Variants in AGAP1 observed in about 807,000 individuals in gnomAD.
AGAP1 encodes the protein arf-GAP with GTPase, ANK repeat and PH domain-containing protein 1.
A neutral mutation model predicts 105.3 loss-of-function variants in AGAP1; 29 were observed. That is an observed-to-expected ratio of 0.28 (90% CI 0.21 to 0.38). The LOEUF is 0.38. AGAP1 is among the 10% of genes least tolerant of loss of function. The pLI is 1.00. For missense variants in AGAP1, 998 were observed against 1,165.1 expected (o/e 0.86, Z 2.09); for synonymous variants, 509 against 485.9 (o/e 1.05, Z -0.63).
rs1941203518 is a variant in AGAP1, at chr2:235,494,156, ACGGCGGGCTCGCGCGGGGGCCCCGGCGCG to A, written c.-529_-501del. On this transcript the variant is annotated 5_prime_UTR_variant, in exon 1 of 18. Transcript: ENST00000304032. The stretch of plus-strand genomic sequence containing the variant: ...TCGGTCCCAGGTCGGCGGGCGGCGC[ACGGCGGGCTCGCGCGGGGGCCCCGGCGCG>A]CCGGGCGGCGCAGTACGCAGCGCGC... 3 of 141,316 alleles carry A rather than the reference ACGGCGGGCTCGCGCGGGGGCCCCGGCGCG, an allele frequency of 2.1e-5. No individual in the cohort carries two copies. Among genetic ancestry groups the A allele is most frequent in the Non-Finnish European group, 4.7e-5 (3 of 64,000 alleles). 8.8% of individuals were successfully genotyped at this position (141,316 alleles called of 1,614,324 possible).
In AGAP1 at chr2:235,732,254, T is replaced by A. The variant is rs1256962529; in HGVS notation, c.311-8709T>A. Among the ~76,000 whole-genome samples, 1 of 152,224 alleles carries A rather than the reference T, an allele frequency of 6.6e-6. No homozygotes were observed. The highest frequency in any genetic ancestry group is 1.5e-5 in the Non-Finnish European group (1 of 68,042). ...CAATGAACTTCTCTCTTAAATACTT[T>A]ACCTCTGTCTTTTTAATCTCATTGA... On this transcript the variant is annotated intron_variant, in intron 3 of 17. Coordinates refer to ENST00000304032, the MANE Select transcript of AGAP1 (RefSeq NM_001037131.3). The surrounding 1 kb of genome is among the most constrained non-coding windows in gnomAD (Gnocchi z 4.8).
chr2:235,804,804 G>A (rs1451619330), intron 8 of AGAP1, among the ~76,000 whole-genome samples: 1 of 152,232 alleles, frequency 6.6e-6, no homozygotes, highest in Non-Finnish European at 1.5e-5. Flanking sequence ...GGTGTGATCT[G>A]CTGCTGTTCC....
At chr2:235,902,106 G>T (rs542196492) in intron 10 of AGAP1, among the ~76,000 whole-genome samples, 1 of 152,126 alleles carries the variant, frequency 6.6e-6, no homozygotes, top group East Asian at 1.9e-4. Context: ...ATTTTTTTAG[G>T]TCTCTTTGAT....
At chr2:235,772,341 C>G (rs151173156) in intron 6 of AGAP1, among the ~76,000 whole-genome samples, 30 of 152,292 alleles carry the variant, frequency 2.0e-4, no homozygotes, top group African/African-American at 7.0e-4. Flanking sequence ...AGAGCTGATG[C>G]TTTATGACAG....
chr2:235,505,976 G>C (rs1256046852), intron 1 of AGAP1, among the ~76,000 whole-genome samples: 1 of 147,666 alleles, frequency 6.8e-6, no homozygotes, highest in East Asian at 2.0e-4. Context: ...TGTCGCCCAG[G>C]CTGGAGTGCA....
chr2:235,922,294 G>T (rs1422877692), intron 11 of AGAP1, among the ~76,000 whole-genome samples: 1 of 152,182 alleles, frequency 6.6e-6, no homozygotes, highest in East Asian at 1.9e-4. Flanking sequence ...AAAATAGAAG[G>T]TATACAATTC....
chr2:235,952,508 T>C (rs1327313793), intron 12 of AGAP1, among the ~76,000 whole-genome samples: 1 of 152,180 alleles, frequency 6.6e-6, no homozygotes, highest in Non-Finnish European at 1.5e-5. Flanking sequence ...GACAAATATA[T>C]GTTGAGTGCC....
intron 13 of AGAP1, among the ~76,000 whole-genome samples, chr2:235,980,772 T>G (rs1229192969): frequency 6.6e-6 from 1 of 152,210 alleles, no homozygotes; most frequent in Non-Finnish European, 1.5e-5. Flanking sequence ...ATTGCTAGGT[T>G]TGGGCTCAGC....
rs2054593847 is a variant in AGAP1 at position 235,970,414 on chromosome 2, C to A, written c.1645+1791C>A. Among the ~76,000 whole-genome samples the A allele has an allele frequency of 6.6e-6, 1 of 152,086 alleles. No homozygotes were observed. Among genetic ancestry groups the A allele is most frequent in the Non-Finnish European group, 1.5e-5 (1 of 68,014 alleles). On this transcript the variant is annotated intron_variant, in intron 13 of 17. Coordinates refer to ENST00000304032, the MANE Select transcript of AGAP1 (RefSeq NM_001037131.3). The surrounding 1 kb of genome is among the most constrained non-coding windows in gnomAD (Gnocchi z 5.4). ...AACCGTTGGGCAAAAATCACCCTGC[C>A]AAGCACGTGCAGCCACCCCTCCCTG...
At chr2:235,757,868 T>A (rs987990669) in intron 6 of AGAP1, among the ~76,000 whole-genome samples, 15 of 152,206 alleles carry the variant, frequency 9.9e-5, no homozygotes, top group African/African-American at 3.6e-4. Context: ...AATGAGTCCG[T>A]TTGTGCAACC....
rs1324796476 is a variant in AGAP1, at chr2:235,953,399, A to C, written c.1484-15063A>C. Among the ~76,000 whole-genome samples the C allele has an allele frequency of 6.6e-6, 1 of 152,204 alleles. No homozygotes were observed. The highest frequency in any genetic ancestry group is 1.5e-5 in the Non-Finnish European group (1 of 68,040). On this transcript the variant is annotated intron_variant, in intron 12 of 17. Transcript: ENST00000304032. The surrounding 1 kb of genome is among the most constrained non-coding windows in gnomAD (Gnocchi z 5.2). ...AAGATGTTAATTTTTTATTCTCCAAAATGTTCAGACTGCAAGGATATTTCA... is the reference window on the plus strand; with the variant it reads ...AAGATGTTAATTTTTTATTCTCCAACATGTTCAGACTGCAAGGATATTTCA...
chr2:235,585,323 A>T (rs983906915), intron 1 of AGAP1, among the ~76,000 whole-genome samples: 3 of 152,018 alleles, frequency 2.0e-5, no homozygotes, highest in African/African-American at 7.3e-5. Flanking sequence ...TTAGCTCTGT[A>T]TCCCTCTGGC....
rs2058690789 is a variant in AGAP1, at chr2:236,078,122, G to A, written c.2114+28841G>A. Among the ~76,000 whole-genome samples the A allele has an allele frequency of 6.6e-6, 1 of 151,110 alleles. No homozygotes were observed. Among genetic ancestry groups the A allele is most frequent in the African/African-American group, 2.4e-5 (1 of 41,064 alleles). On this transcript the variant is annotated intron_variant, in intron 16 of 17. Transcript: ENST00000304032. The surrounding 1 kb of genome is among the most constrained non-coding windows in gnomAD (Gnocchi z 5.3). ...CCAGCTGGTGTGTGTGTGCATGTGTGTAATCTGAAGTGTGTAGGGCAGGCC... is the reference window on the plus strand; with the variant it reads ...CCAGCTGGTGTGTGTGTGCATGTGTATAATCTGAAGTGTGTAGGGCAGGCC...
rs1050067885 is a variant in AGAP1 at position 236,107,105 on chromosome 2, TC to T, written c.2115-13080del. Among the ~76,000 whole-genome samples, 11 of 147,142 alleles carry T rather than the reference TC, an allele frequency of 7.5e-5. No homozygotes were observed. In the South Asian group the frequency reaches 1.1e-3, roughly 15 times the overall value. On this transcript the variant is annotated intron_variant, in intron 16 of 17. Transcript: ENST00000304032. ...TGCTTTCTGTCCTCTCTTTACCCGT[TC>T]CCCCCCGCCCCACCCCCGCCAGCGG...
chr2:235,819,456 T>C (rs1402873960), intron 9 of AGAP1, among the ~76,000 whole-genome samples: 1 of 152,120 alleles, frequency 6.6e-6, no homozygotes, highest in East Asian at 1.9e-4. Flanking sequence ...CTGATGCTGC[T>C]AATCCAGGAG....
chr2:235,570,021 C>T (rs1244096925), intron 1 of AGAP1, among the ~76,000 whole-genome samples: 1 of 152,212 alleles, frequency 6.6e-6, no homozygotes, highest in Non-Finnish European at 1.5e-5. Context: ...TAACTCTTCT[C>T]AGTTCTCTTT....
At chr2:235,518,010 G>A (rs919751144) in intron 1 of AGAP1, among the ~76,000 whole-genome samples, 10 of 152,258 alleles carry the variant, frequency 6.6e-5, no homozygotes, top group African/African-American at 1.9e-4. Context: ...GCCTCAGTTG[G>A]GGTTCTTGCC....
intron 3 of AGAP1, among the ~76,000 whole-genome samples, chr2:235,735,276 C>G (rs1952182798): frequency 6.6e-6 from 1 of 152,176 alleles, no homozygotes; most frequent in Non-Finnish European, 1.5e-5. Flanking sequence ...ACATCTGTTG[C>G]AATGTTGACT....
rs1692755090 is a variant in AGAP1, at chr2:236,036,282, A to C, written c.1646-279A>C. Among the ~76,000 whole-genome samples, 2 of 152,178 alleles carry C rather than the reference A, an allele frequency of 1.3e-5. No homozygotes were observed. The highest frequency in any genetic ancestry group is 4.1e-4 in the South Asian group (2 of 4,828). On this transcript the variant is annotated intron_variant, in intron 13 of 17. Coordinates refer to ENST00000304032, the MANE Select transcript of AGAP1 (RefSeq NM_001037131.3). This position sits in a 1 kb window ranked among gnomAD's most constrained non-coding sequence, Gnocchi z 5.7. ...TTCTCCTAAGTTGCTTTGTGTGTGC[A>C]CCACACAGAGACGCTGACATCACTC...
Sources: allele counts gnomAD v4.1 joint callset (sites outside exome capture counted in the v4.1 genomes callset), GRCh38; gene constraint gnomAD v4.1.1; non-coding constraint Gnocchi (gnomAD v3.1); transcripts MANE v1.5; gene names NCBI Gene and HGNC (gene_info 2026-07-23, HGNC 2026-07-21).